The following PCDH15 variants were observed in gnomAD, a reference collection of about 807,000 sequenced individuals.
PCDH15 encodes the protein protocadherin-15.
Under a neutral mutation model 178.5 loss-of-function variants are expected in PCDH15, and 129 were observed. The ratio of observed to expected loss-of-function variants is 0.72; its 90% CI spans 0.63 to 0.84. The LOEUF is 0.84. Ranked by LOEUF, PCDH15 falls within the 40% of genes least tolerant of loss-of-function variation. PCDH15 has a pLI of 0.00. For synonymous variants in PCDH15, 800 were observed against 732.0 expected, an observed-to-expected ratio of 1.09 and a Z score of -1.50; for missense variants, 2,230 against 2,099.9, an observed-to-expected ratio of 1.06 and a Z score of -1.21.
At chr10:55,225,931 T>G (rs1332373865) in intron 1 of PCDH15, among the ~76,000 whole-genome samples, 1 of 152,022 alleles carries the variant, frequency 6.6e-6, no homozygotes, top group Non-Finnish European at 1.5e-5. Flanking sequence ...GATACTCTAT[T>G]TATTGATTGA....
At chr10:53,899,528 T>C (rs2082185040) in intron 26 of PCDH15, among the ~76,000 whole-genome samples, 1 of 152,172 alleles carries the variant, frequency 6.6e-6, no homozygotes, top group Non-Finnish European at 1.5e-5. Context: ...TTTCCCTTCT[T>C]ACACAAAGCA....
chr10:55,348,416 T>C (rs1844820061), intron 2 of PCDH15, among the ~76,000 whole-genome samples: 1 of 147,540 alleles, frequency 6.8e-6, no homozygotes, highest in East Asian at 1.9e-4. Flanking sequence ...CCAACAATAA[T>C]AACAATAATA....
chr10:54,730,770 C>T, intron 1 of PCDH15, among the ~76,000 whole-genome samples: 1 of 151,410 alleles, frequency 6.6e-6, no homozygotes, highest in East Asian at 1.9e-4. Flanking sequence ...AAAATAAAGA[C>T]TTAAATTTAA....
intron 2 of PCDH15, among the ~76,000 whole-genome samples, chr10:54,991,833 T>G (rs1375531843): frequency 6.6e-6 from 1 of 152,146 alleles, no homozygotes; most frequent in Admixed American, 6.5e-5. Context: ...TTGAAATATA[T>G]TCTAGCTGAA....
chr10:54,788,506 G>A (rs1235417043), intron 1 of PCDH15, among the ~76,000 whole-genome samples: 2 of 151,852 alleles, frequency 1.3e-5, no homozygotes, highest in African/African-American at 4.8e-5. Flanking sequence ...TAAATCAGAA[G>A]TAATATGGAA....
At chr10:55,203,945 G>A (rs1235243864) in intron 1 of PCDH15, among the ~76,000 whole-genome samples, 5 of 151,974 alleles carry the variant, frequency 3.3e-5, no homozygotes, top group Non-Finnish European at 7.4e-5. Flanking sequence ...GCTTGGTGGT[G>A]CATGCCTGTA....
intron 8 of PCDH15, among the ~76,000 whole-genome samples, chr10:54,249,195 T>A (rs188058838): frequency 3.3e-5 from 5 of 152,148 alleles, no homozygotes; most frequent in Non-Finnish European, 5.9e-5. Flanking sequence ...TATTTTACCA[T>A]GTTCCATATT....
intron 2 of PCDH15, among the ~76,000 whole-genome samples, chr10:55,535,602 TACAAGTTA>T (rs1841559607): frequency 1.3e-5 from 2 of 152,112 alleles, no homozygotes; most frequent in South Asian, 4.1e-4. Flanking sequence ...GAAAGAAATA[TACAAGTTA>T]ACATTTAACT....
Position 54,317,346 on chromosome 10 carries a change from A to T in PCDH15, c.801T>A (p.Pro267=), listed in dbSNP as rs1335612470. The T allele has an allele frequency of 6.2e-7, 1 of 1,614,050 alleles. No homozygotes were observed. The highest frequency in any genetic ancestry group is 1.3e-5 in the African/African-American group (1 of 75,042). The stretch of plus-strand genomic sequence containing the variant: ...CACGAGTGTTTGGCACAAGGACACA[A>T]GGAAGAAACATTGGACCCAAGTCAT... ...DGDDLGPMFL[P]CVLVPNTRDC... The change falls in exon 8 of 38, where the codon CCT becomes CCA. Residue 267 remains proline (P), a synonymous_variant. Transcript: ENST00000644397.
intron 28 of PCDH15, among the ~76,000 whole-genome samples, chr10:53,845,672 G>A (rs1343020653): frequency 2.0e-5 from 3 of 151,686 alleles, no homozygotes; most frequent in Non-Finnish European, 4.4e-5. Context: ...GCTAAAAAAT[G>A]GATCTCATGG....
rs371780451 is a variant in PCDH15 at position 55,486,116 on chromosome 10, G to T, written c.-156+141509C>A. ...GTTATGCCCCATTTATTCCTTTGCT[G>T]CTTCTGTTTTGTATTCTTTCACTGT... On this transcript the variant is annotated intron_variant, in intron 2 of 5. Coordinates refer to the PCDH15 transcript ENST00000613346. 7.9e-5 allele frequency among the ~76,000 whole-genome samples: 12 copies of T among 151,750 alleles called. No homozygotes were observed. In the East Asian group the frequency reaches 1.4e-3, roughly 17 times the overall value.
intron 2 of PCDH15, among the ~76,000 whole-genome samples, chr10:54,637,033 C>CT (rs1391546908): frequency 1.3e-5 from 2 of 150,046 alleles, no homozygotes; most frequent in Non-Finnish European, 3.0e-5. Context: ...ACCTTCTTTC[C>CT]TTTTTTGAGC....
Position 54,079,354 on chromosome 10 carries a change from C to T in PCDH15, c.2068G>A (p.Ala690Thr), listed in dbSNP as rs368449190. The change falls in exon 17 of 38, where the codon GCT becomes ACT. Residue 690 changes from alanine to threonine, a missense_variant. By Grantham distance (58) the Ala-to-Thr change is moderately conservative. Transcript: ENST00000644397. ...STDRYILIIT[A>T]SDGRPDGTST... is the part of the protein sequence containing the mutation. ...ACCCCATCTGGCCTGCCATCTGAAG[C>T]TGTGATGATCAGAATGTAGCGATCA... is the stretch of plus-strand genomic sequence containing the variant. The T allele has an allele frequency of 1.2e-6, 2 of 1,614,004 alleles. No individual in the cohort carries two copies. The highest frequency in any genetic ancestry group is 1.3e-5 in the African/African-American group (1 of 74,924).
chr10:55,018,216 G>A (rs79813649), intron 2 of PCDH15, among the ~76,000 whole-genome samples: 2,822 of 152,000 alleles, frequency 0.019, 70 homozygotes, highest in African/African-American at 0.062. Flanking sequence ...AAATTAATGC[G>A]AAAAAGTTGA....
chr10:53,888,304 A>ATATATATATATATATATATATATATG (rs1554845195), intron 26 of PCDH15, among the ~76,000 whole-genome samples: 2 of 88,950 alleles, frequency 2.2e-5, no homozygotes, highest in Admixed American at 1.2e-4. Context: ...ATATATATAT[A>ATATATATATATATATATATATATATG]TATATGTATA....
At chr10:54,072,309 A>T (rs2094259748) in intron 17 of PCDH15, among the ~76,000 whole-genome samples, 1 of 152,188 alleles carries the variant, frequency 6.6e-6, no homozygotes, top group Non-Finnish European at 1.5e-5. Flanking sequence ...AAACATTTTC[A>T]TCCTTAAGCG....
intron 32 of PCDH15, chr10:53,822,933 T>A: frequency 6.2e-7 from 1 of 1,614,170 alleles, no homozygotes; most frequent in Non-Finnish European, 8.5e-7. Context: ...TTGCCACTGC[T>A]GCAGATCTAT....
chr10:55,227,357 G>A (rs747398120), intron 1 of PCDH15, among the ~76,000 whole-genome samples: 2 of 152,046 alleles, frequency 1.3e-5, no homozygotes, highest in South Asian at 2.1e-4. Flanking sequence ...AAAACTATTC[G>A]AAGATCTACT....
intron 1 of PCDH15, among the ~76,000 whole-genome samples, chr10:54,763,068 G>A (rs1225191473): frequency 6.6e-6 from 1 of 152,156 alleles, no homozygotes; most frequent in Non-Finnish European, 1.5e-5. Context: ...CAGACCATCT[G>A]TGAGAGGACA....
Sources: allele counts gnomAD v4.1 joint callset (sites outside exome capture counted in the v4.1 genomes callset), GRCh38; gene constraint gnomAD v4.1.1; transcripts MANE v1.5; gene names NCBI Gene and HGNC (gene_info 2026-07-23, HGNC 2026-07-21).